The following CDC25C variants were observed in gnomAD, a reference collection of about 807,000 sequenced individuals.
CDC25C encodes the protein cell division cycle 25C, also known as M-phase inducer phosphatase 3.
CDC25C carries 48 observed loss-of-function variants against 52.5 expected under a neutral mutation model. The observed-to-expected ratio is 0.91, with a 90% confidence interval of 0.72 to 1.16. The LOEUF (loss-of-function observed/expected upper bound fraction) is 1.16. Among genes scored for constraint, CDC25C ranks in the 50% most tolerant of loss-of-function variants. The pLI is 0.00. For missense variants in CDC25C, 510 were observed against 566.1 expected, an observed-to-expected ratio of 0.90 and a Z score of 1.01; for synonymous variants, 187 against 206.5, an observed-to-expected ratio of 0.91 and a Z score of 0.81.
chr5:138,286,149 A>T lies in CDC25C; in HGVS notation c.1161-16T>A, dbSNP rs1756205991. The T allele has an allele frequency of 6.3e-7, 1 of 1,589,328 alleles. No homozygotes were observed. Among genetic ancestry groups the T allele is most frequent in the Non-Finnish European group, 8.6e-7 (1 of 1,158,984 alleles). ...ACAGCGGCACCTTTAGAGAGAACCC[A>T]GAGATGGGTGGGGTGGAAAGAAACA... On this transcript the variant is annotated splice_polypyrimidine_tract_variant and intron_variant, in intron 12 of 13. Transcript: ENST00000323760.
At chr5:138,296,339 G>A (rs1757174582) in intron 7 of CDC25C, among the ~76,000 whole-genome samples, 1 of 151,944 alleles carries the variant, frequency 6.6e-6, no homozygotes, top group Non-Finnish European at 1.5e-5. Context: ...GAGTTCAAGC[G>A]ATTCCCCTGC....
At position 138,287,237 on chromosome 5, in the gene CDC25C, C is replaced by T. The variant is rs1756327516; in HGVS notation, c.958G>A (p.Gly320Ser). 3 of 1,613,948 alleles carry T rather than the reference C, an allele frequency of 1.9e-6. No individual in the cohort carries two copies. The highest frequency in any genetic ancestry group is 1.1e-5 in the South Asian group (1 of 91,072). Residue 320 changes from glycine to serine, a missense_variant, in exon 11 of 14, where the codon GGT becomes AGT. Coordinates refer to ENST00000323760, the MANE Select transcript of CDC25C (RefSeq NM_001790.5). Reference sequence around the variant, plus strand: ...ATGACATAAAACTTCTCAATCAGACCCTGGAACTTCCCCGACAGTAAGGCA... The same window carrying T: ...ATGACATAAAACTTCTCAATCAGACTCTGGAACTTCCCCGACAGTAAGGCA... ...VAALLSGKFQ[G>S]LIEKFYVIDC...
intron 7 of CDC25C, among the ~76,000 whole-genome samples, chr5:138,292,493 A>AC (rs1411067479): frequency 6.6e-6 from 1 of 151,628 alleles, no homozygotes; most frequent in African/African-American, 2.4e-5. Context: ...AAAAAAAAAA[A>AC]AAAAAAAAAA....
At chr5:138,333,058 C>G (rs1343630907), upstream of CDC25C, among the ~76,000 whole-genome samples, 1 of 152,126 alleles carries the variant, frequency 6.6e-6, no homozygotes, top group Non-Finnish European at 1.5e-5. Context: ...GGTTGCGGCC[C>G]AAGATTCTGC....
intron 5 of CDC25C, 56 bp from the exon 6 acceptor site, chr5:138,325,960 G>T: frequency 6.2e-7 from 1 of 1,611,550 alleles, no homozygotes; most frequent in South Asian, 1.1e-5. Flanking sequence ...AGGTGCAATG[G>T]AAACCCTCTG....
intron 7 of CDC25C, among the ~76,000 whole-genome samples, chr5:138,293,294 A>G (rs868741331): frequency 6.6e-6 from 1 of 152,204 alleles, no homozygotes; most frequent in African/African-American, 2.4e-5. Flanking sequence ...ATCTAGGCCA[A>G]TCAGGTTCCC....
chr5:138,310,464 G>A lies in CDC25C; in HGVS notation c.615+8755C>T, dbSNP rs186271846. Among the ~76,000 whole-genome samples the A allele has an allele frequency of 1.9e-4, 29 of 152,184 alleles. 1 individual carries two copies. In the East Asian group the frequency reaches 3.3e-3, roughly 17 times the overall value. ...CAGATTACTTCAATGTTTACTTTGC[G>A]GAGGACATCAAGGCCATTGAGCATC... On this transcript the variant is annotated intron_variant, in intron 7 of 13. Transcript: ENST00000323760.
Position 138,329,553 on chromosome 5 carries a change from C to A in CDC25C, c.289G>T (p.Gly97Cys), listed in dbSNP as rs940816354. 1.3e-6 allele frequency: 2 copies of A among 1,587,058 alleles called. No individual in the cohort carries two copies. Among genetic ancestry groups the A allele is most frequent in the Admixed American group, 1.7e-5 (1 of 59,768 alleles). The change falls in exon 3 of 14, where the codon GGT (glycine) becomes TGT (cysteine). Residue 97 changes from glycine to cysteine, a missense_variant and splice_region_variant. Coordinates refer to ENST00000323760, the MANE Select transcript of CDC25C (RefSeq NM_001790.5). ...LTTSADLDET[G>C]HLDSSGLQEV... ...AGGCCTTTATCTCCCTTCTCCCTAC[C>A]AGTTTCATCAAGGTCTGCAGAAGTG...
At chr5:138,314,846 C>G (rs1330978614) in intron 7 of CDC25C, among the ~76,000 whole-genome samples, 1 of 150,156 alleles carries the variant, frequency 6.7e-6, no homozygotes, top group African/African-American at 2.5e-5. Flanking sequence ...GTCTCAAACT[C>G]CTGGCTTCAG....
chr5:138,291,931 T>C (rs781599523), intron 8 of CDC25C, 39 bp downstream of exon 8: 17 of 1,566,288 alleles, frequency 1.1e-5, no homozygotes, highest in African/African-American at 8.2e-5. Context: ...AGACATGAGA[T>C]AGAAGATGAA....
intron 4 of CDC25C, among the ~76,000 whole-genome samples, chr5:138,326,952 CAAAAAAAAAA>C (rs1208599313): frequency 3.3e-5 from 2 of 61,406 alleles, no homozygotes; most frequent in South Asian, 6.0e-4. Flanking sequence ...AACTCCGTCT[CAAAAAAAAAA>C]AAAAAAAAAA....
At chr5:138,290,505 C>A in intron 9 of CDC25C, 134 bp downstream of exon 9, 1 of 633,180 alleles carries the variant, frequency 1.6e-6, no homozygotes, top group Non-Finnish European at 2.9e-6. Context: ...CCTGGATCTA[C>A]CACTAGAGCA....
At chr5:138,288,062 C>T (rs1461587919) in intron 10 of CDC25C, among the ~76,000 whole-genome samples, 8 of 151,818 alleles carry the variant, frequency 5.3e-5, no homozygotes, top group Admixed American at 4.6e-4. Flanking sequence ...CAATACTATA[C>T]GTTCATCATG....
chr5:138,296,902 G>A (rs1235656967), intron 7 of CDC25C, among the ~76,000 whole-genome samples: 4 of 132,746 alleles, frequency 3.0e-5, no homozygotes, highest in African/African-American at 1.2e-4. Context: ...ACCACGCCCG[G>A]CCACTTTTTT....
In CDC25C at chr5:138,322,538, C is replaced by T. The variant is rs368017303; in HGVS notation, c.460-3164G>A. ...TCGCCCAGACTGGAGTACAGTGGCA[C>T]GATCTCGGCTCACTGCAAGCTCCGC... On this transcript the variant is annotated intron_variant, in intron 6 of 13. Coordinates refer to ENST00000323760, the MANE Select transcript of CDC25C (RefSeq NM_001790.5). 6.9e-5 allele frequency among the ~76,000 whole-genome samples: 9 copies of T among 130,582 alleles called. No homozygotes were observed. The South Asian group carries it at 8.0e-4, about 12-fold the overall frequency. 85.7% of individuals were successfully genotyped at this position (130,582 alleles called of 152,430 possible). A position where few individuals can be genotyped will look rare whatever the true frequency, so the allele number is the denominator to read the frequency against.
At position 138,331,745 on chromosome 5, in the gene CDC25C, ACGTCGGACTCAGAGTCTTCC is replaced by A; in HGVS notation, c.-209_-190del. 1 of 988,130 alleles carries A rather than the reference ACGTCGGACTCAGAGTCTTCC, an allele frequency of 1.0e-6. No homozygotes were observed. The allele number at this position is 988,130 out of a possible 1,614,324, so 61.2% of individuals were successfully genotyped here. ...CTCTGCCTTCCGACTGGGTAGGCCA[ACGTCGGACTCAGAGTCTTCC>A]CTGAGCAGAAGGCCAAAGTTACGGC... On this transcript the variant is annotated 5_prime_UTR_variant, in exon 1 of 14. Transcript: ENST00000323760.
intron 7 of CDC25C, among the ~76,000 whole-genome samples, chr5:138,313,996 T>TTTC (rs745973255): frequency 2.8e-4 from 18 of 63,770 alleles, no homozygotes; most frequent in East Asian, 1.6e-3. Context: ...TCTTTCTTTC[T>TTTC]TTTTTTTTTT....
intron 6 of CDC25C, among the ~76,000 whole-genome samples, chr5:138,323,089 G>A (rs1009372136): frequency 6.6e-6 from 1 of 151,254 alleles, no homozygotes; most frequent in Admixed American, 6.6e-5. Context: ...GTGCCACCAC[G>A]CCTGGCTAAT....
At position 138,329,662 on chromosome 5, in the gene CDC25C, T is replaced by C. The variant is rs775298716; in HGVS notation, c.195-15A>G. ...TTGGGGTTCCTCTGTTGAGACATAA[T>C]AGTACATCGAAATTCCCATTAGATT... On this transcript the variant is annotated splice_polypyrimidine_tract_variant and intron_variant, in intron 2 of 13. Transcript: ENST00000323760. The C allele has an allele frequency of 7.0e-6, 10 of 1,433,250 alleles. No homozygotes were observed. The East Asian group carries it at 1.6e-4, about 23-fold the overall frequency. The allele number at this position is 1,433,250 out of a possible 1,614,324, so 88.8% of individuals were successfully genotyped here. A position where few individuals can be genotyped will look rare whatever the true frequency, so the allele number is the denominator to read the frequency against.
Sources: gnomAD v4.1 joint callset for allele counts (sites outside exome capture counted in the v4.1 genomes callset) on GRCh38, gnomAD v4.1.1 for gene constraint, MANE v1.5 for transcripts, NCBI Gene and HGNC (gene_info 2026-07-23, HGNC 2026-07-21) for gene names.